Variants in RNF217 observed in about 807,000 individuals in gnomAD.
RNF217 encodes E3 ubiquitin-protein ligase RNF217.
Under a neutral mutation model 57.8 loss-of-function variants are expected in RNF217, and 31 were observed. The observed-to-expected ratio is 0.54, with a 90% CI of 0.40 to 0.72. RNF217 has a LOEUF of 0.72. Among genes scored for constraint, RNF217 ranks in the 30% least tolerant of loss-of-function variants. The pLI, the probability that RNF217 is intolerant of heterozygous loss-of-function variation, is 0.00. For missense variants in RNF217, 696 were observed against 708.3 expected, an observed-to-expected ratio of 0.98 and a Z score of 0.20; for synonymous variants, 313 against 294.0, an observed-to-expected ratio of 1.06 and a Z score of -0.66.
intron 1 of RNF217, among the ~76,000 whole-genome samples, chr6:124,995,747 C>T (rs1373542492): frequency 6.6e-6 from 1 of 151,994 alleles, no homozygotes; most frequent in African/African-American, 2.4e-5. Context: ...CATGGCAAAA[C>T]CCCATCTCTA....
At chr6:125,076,902 G>A (rs749833285) in intron 4 of RNF217, 44 bp downstream of exon 4, 3 of 1,540,644 alleles carry the variant, frequency 1.9e-6, no homozygotes, top group Non-Finnish European at 1.8e-6. Flanking sequence ...TGGGAATTAA[G>A]TAGTGAAAAT....
chr6:125,048,650 GAGTA>G (rs544068901), intron 2 of RNF217, among the ~76,000 whole-genome samples: 217 of 152,126 alleles, frequency 1.4e-3, no homozygotes, highest in African/African-American at 5.1e-3. Context: ...TTTTATAGCT[GAGTA>G]AGTGCTTCTC....
At chr6:125,081,596 T>C in intron 5 of RNF217, 89 bp downstream of exon 5, 2 of 1,046,830 alleles carry the variant, frequency 1.9e-6, no homozygotes, top group South Asian at 1.5e-5. Flanking sequence ...GAATCAGTTA[T>C]TAAGTGGACA....
rs75991824 is a variant in RNF217, at chr6:125,021,216, A to G, written c.883-23995A>G. Among the ~76,000 whole-genome samples, 242 of 152,082 alleles carry G rather than the reference A, an allele frequency of 1.6e-3. 1 individual carries two copies. Among genetic ancestry groups the G allele is most frequent in the Non-Finnish European group, 3.1e-3 (209 of 67,978 alleles). On this transcript the variant is annotated intron_variant, in intron 1 of 5. Transcript: ENST00000521654. ...CTGTGGTTCCTCTACTCTCTGAAGT[A>G]TTATACAATGTTCAGAAACAATGAT...
chr6:124,965,846 A>G (rs1229208288), intron 1 of RNF217, among the ~76,000 whole-genome samples: 1 of 152,130 alleles, frequency 6.6e-6, no homozygotes, highest in Non-Finnish European at 1.5e-5. Flanking sequence ...TCTCCATAGC[A>G]CTAACATACT....
intron 2 of RNF217, among the ~76,000 whole-genome samples, chr6:125,052,562 G>T (rs143852863): frequency 1.2e-4 from 19 of 152,144 alleles, no homozygotes; most frequent in Admixed American, 5.9e-4. Flanking sequence ...CAGGGAGTAA[G>T]ATTAAAGACA....
Position 125,045,348 on chromosome 6 carries a change from T to C in RNF217, c.1020T>C (p.Asp340=), listed in dbSNP as rs537812366. The C allele has an allele frequency of 4.2e-5, 67 of 1,613,430 alleles. No individual in the cohort carries two copies. Among genetic ancestry groups the C allele is most frequent in the Non-Finnish European group, 5.6e-5 (66 of 1,179,658 alleles). Residue 340 remains aspartate, a synonymous_variant, in exon 2 of 6, where the codon GAT becomes GAC. Coordinates refer to ENST00000521654, the MANE Select transcript of RNF217 (RefSeq NM_001286398.3). ...YKYFLELGRI[D]SSTKPCPQCK... is the part of the protein sequence containing the mutation. ...ACTTCTTGGAACTTGGCCGTATTGA[T>C]TCCAGCACCAAGCCATGTCCTCAGT...
chr6:124,964,520 GAAC>G (rs1410588658), intron 1 of RNF217, among the ~76,000 whole-genome samples: 1 of 152,156 alleles, frequency 6.6e-6, no homozygotes, highest in Non-Finnish European at 1.5e-5. Context: ...GGGACAAACT[GAAC>G]AGGGCTCCGT....
Position 125,045,435 on chromosome 6 carries a change from C to T in RNF217, c.1107C>T (p.Ser369=). 1 of 1,611,060 alleles carries T rather than the reference C, an allele frequency of 6.2e-7. No homozygotes were observed. The highest frequency in any genetic ancestry group is 1.3e-5 in the African/African-American group (1 of 74,888). The change falls in exon 2 of 6, where the codon AGC becomes AGT. Residue 369 remains serine, a synonymous_variant. Transcript: ENST00000521654. The part of the protein sequence containing the change: ...GHIPTPSRSE[S]KYKIQCPTCQ... Reference sequence around the variant, plus strand: ...TTCCCACCCCTTCCAGATCAGAAAGCAAATACAAAGTAAGCATTTTCACCA... The same window carrying T: ...TTCCCACCCCTTCCAGATCAGAAAGTAAATACAAAGTAAGCATTTTCACCA...
At chr6:125,051,872 G>A (rs779849330) in intron 2 of RNF217, among the ~76,000 whole-genome samples, 21 of 151,962 alleles carry the variant, frequency 1.4e-4, no homozygotes, top group Non-Finnish European at 2.8e-4. Flanking sequence ...ATGCAAATCA[G>A]GGAAGAATTT....
chr6:125,060,172 A>G (rs1368554426), intron 3 of RNF217, among the ~76,000 whole-genome samples: 1 of 152,116 alleles, frequency 6.6e-6, no homozygotes, highest in Non-Finnish European at 1.5e-5. Flanking sequence ...CTTTCTTTTC[A>G]TAAATATATC....
In RNF217 at chr6:124,962,680, G is replaced by C; in HGVS notation, c.136G>C (p.Ala46Pro). Residue 46 changes from alanine to proline, a missense_variant, in exon 1 of 6, where the codon GCC becomes CCC. Physicochemically the swap from Ala to Pro is conservative, Grantham distance 27. This residue lies in a region of RNF217 where 465 missense variants were observed against 386.8 expected (regional missense o/e 1.20). Coordinates refer to ENST00000521654, the MANE Select transcript of RNF217 (RefSeq NM_001286398.3). The surrounding 1 kb of genome is among the most constrained non-coding windows in gnomAD (Gnocchi z 4.6). ...CGCCCGGGCGCCCCCGCTGCGCGCC[G>C]CCTCCGCGGAGCCGAGCGGCGGTGG... ...DSARAPPLRA[A>P]SAEPSGGGCG... 1 of 1,344,252 alleles carries C rather than the reference G, an allele frequency of 7.4e-7. No homozygotes were observed. The highest frequency in any genetic ancestry group is 9.4e-7 in the Non-Finnish European group (1 of 1,059,520). The allele number at this position is 1,344,252 out of a possible 1,614,324, so 83.3% of individuals were successfully genotyped here.
At chr6:124,970,350 C>A (rs1783719087) in intron 1 of RNF217, among the ~76,000 whole-genome samples, 1 of 152,128 alleles carries the variant, frequency 6.6e-6, no homozygotes. Flanking sequence ...GCAGTTTGAA[C>A]TGGTTGAATT....
chr6:125,053,332 T>C (rs1352138656), intron 2 of RNF217, among the ~76,000 whole-genome samples: 2 of 152,152 alleles, frequency 1.3e-5, no homozygotes, highest in Admixed American at 6.6e-5. Context: ...CAGTTCCTGC[T>C]ACTTGAAGGT....
intron 1 of RNF217, among the ~76,000 whole-genome samples, chr6:125,022,186 T>G (rs1206306084): frequency 6.6e-6 from 1 of 152,180 alleles, no homozygotes; most frequent in African/African-American, 2.4e-5. Context: ...CTGGCCTGTT[T>G]TCTTACTGGT....
chr6:125,008,376 G>A (rs1184280015), intron 1 of RNF217, among the ~76,000 whole-genome samples: 1 of 152,168 alleles, frequency 6.6e-6, no homozygotes, highest in Non-Finnish European at 1.5e-5. Context: ...AACCATAGAT[G>A]AAGTGGGACT....
chr6:125,032,488 C>T (rs747606155), intron 1 of RNF217, among the ~76,000 whole-genome samples: 1 of 151,682 alleles, frequency 6.6e-6, no homozygotes, highest in Non-Finnish European at 1.5e-5. Flanking sequence ...TATTTCTTAT[C>T]TCCAGAATAT....
Position 125,085,283 on chromosome 6 carries a change from A to G in RNF217, c.*2346A>G, listed in dbSNP as rs1381129575. The G allele has an allele frequency of 2.0e-5, 3 of 151,860 alleles. No homozygotes were observed. The highest frequency in any genetic ancestry group is 4.1e-4 in the South Asian group (2 of 4,832). 9.4% of individuals were successfully genotyped at this position (151,860 alleles called of 1,614,324 possible). On this transcript the variant is annotated 3_prime_UTR_variant, in exon 6 of 6. Transcript: ENST00000521654. The stretch of plus-strand genomic sequence containing the variant: ...GTGGTGTCTGTTTTCAGTGATGGCT[A>G]TTTCATCAGTGCTTGAAATAGTGTG...
chr6:125,006,717 G>A (rs986307746), intron 1 of RNF217, among the ~76,000 whole-genome samples: 6 of 152,224 alleles, frequency 3.9e-5, no homozygotes, highest in Non-Finnish European at 7.3e-5. Context: ...GGGAGGCCAA[G>A]GTGGGCGGAT....
Sources: gnomAD v4.1 joint callset for allele counts (sites outside exome capture counted in the v4.1 genomes callset) on GRCh38, gnomAD v4.1.1 for gene constraint, gnomAD v4.1.1 regional missense constraint, Gnocchi (gnomAD v3.1) non-coding constraint, MANE v1.5 for transcripts, NCBI Gene and HGNC (gene_info 2026-07-23, HGNC 2026-07-21) for gene names.